The following GLP2R variants were observed in gnomAD, a reference collection of about 807,000 sequenced individuals.
The protein encoded by GLP2R is glucagon like peptide 2 receptor.
GLP2R carries 59 observed loss-of-function variants against 68.2 expected under a neutral mutation model. That is an observed-to-expected ratio of 0.87 (90% CI 0.70 to 1.07). The LOEUF is 1.07. Ranked by LOEUF, GLP2R falls within the 50% of genes least tolerant of loss-of-function variation. The pLI, the probability that GLP2R is intolerant of heterozygous loss-of-function variation, is 0.00. For missense variants in GLP2R, 548 were observed against 677.4 expected (o/e 0.81, Z 2.12); for synonymous variants, 270 against 265.4 (o/e 1.02, Z -0.17).
chr17:9,857,279 G>A (rs956348779), intron 5 of GLP2R, 144 bp from the exon 6 acceptor site: 1 of 695,886 alleles, frequency 1.4e-6, no homozygotes. Flanking sequence ...GAGATTTACG[G>A]TCACATAATC....
intron 10 of GLP2R, among the ~76,000 whole-genome samples, chr17:9,871,841 C>T (rs1361765536): frequency 6.6e-6 from 1 of 151,060 alleles, no homozygotes; most frequent in Non-Finnish European, 1.5e-5. Context: ...TCTCCTGCCT[C>T]AGCCTCCTGA....
chr17:9,850,641 C>A (rs1304351672), intron 4 of GLP2R, among the ~76,000 whole-genome samples: 1 of 151,876 alleles, frequency 6.6e-6, no homozygotes, highest in Non-Finnish European at 1.5e-5. Flanking sequence ...GCTTGATAAC[C>A]CATGCTTTAT....
intron 4 of GLP2R, among the ~76,000 whole-genome samples, chr17:9,847,339 G>A (rs1163906485): frequency 1.3e-5 from 2 of 151,510 alleles, no homozygotes; most frequent in African/African-American, 4.9e-5. Context: ...GCACGATCTC[G>A]GCTCACTGCA....
At chr17:9,862,135 T>C in intron 9 of GLP2R, 45 bp downstream of exon 9, 1 of 1,422,686 alleles carries the variant, frequency 7.0e-7, no homozygotes, top group African/African-American at 1.4e-5. Context: ...GCCTAGCAGC[T>C]GTGGGGAATC....
chr17:9,884,881 GA>G (rs975872647), intron 11 of GLP2R, among the ~76,000 whole-genome samples: 8 of 151,724 alleles, frequency 5.3e-5, no homozygotes, highest in Admixed American at 6.6e-5. Flanking sequence ...ATTAGAGGGG[GA>G]AAAAAAACTC....
intron 3 of GLP2R, among the ~76,000 whole-genome samples, chr17:9,839,422 CCT>C (rs1272132852): frequency 6.6e-6 from 1 of 151,972 alleles, no homozygotes; most frequent in Non-Finnish European, 1.5e-5. Context: ...TCCTTCTCCG[CCT>C]CTCTTCCCCA....
At chr17:9,863,475 G>A (rs8072991) in intron 9 of GLP2R, among the ~76,000 whole-genome samples, 1,813 of 152,266 alleles carry the variant, frequency 0.012, 39 homozygotes, top group African/African-American at 0.041. Flanking sequence ...GGGTGTGATG[G>A]GATGACAGCT....
intron 5 of GLP2R, among the ~76,000 whole-genome samples, chr17:9,855,620 A>G (rs764137472): frequency 3.9e-5 from 6 of 152,376 alleles, no homozygotes; most frequent in Non-Finnish European, 8.8e-5. Flanking sequence ...TCCTAAGCGC[A>G]TTACATGCAT....
At chr17:9,852,592 T>C (rs1375660158) in intron 4 of GLP2R, among the ~76,000 whole-genome samples, 1 of 152,124 alleles carries the variant, frequency 6.6e-6, no homozygotes, top group Non-Finnish European at 1.5e-5. Flanking sequence ...AATTACAAAG[T>C]ATGAATAGAA....
Position 9,826,134 on chromosome 17 carries a change from T to C in GLP2R, c.71T>C (p.Leu24Pro). 1 of 1,612,862 alleles carries C rather than the reference T, an allele frequency of 6.2e-7. No individual in the cohort carries two copies. Among genetic ancestry groups the C allele is most frequent in the Non-Finnish European group, 8.5e-7 (1 of 1,179,486 alleles). ...SAGLLPGVHE[L>P]PMGIPAPWGT... ...GGACTCCTGCCTGGCGTCCACGAGC[T>C]GCCCATGGGCATCCCTGCCCCCTGG... The change falls in exon 1 of 13, where the codon CTG (leucine) becomes CCG (proline). Residue 24 changes from leucine to proline, a missense_variant. Coordinates refer to ENST00000262441, the MANE Select transcript of GLP2R (RefSeq NM_004246.3).
Position 9,857,511 on chromosome 17 carries a change from G to T in GLP2R, c.700G>T (p.Val234Phe). ...RTLAVLVKDV[V>F]FYNSYSKRPD... ...CCTGGCTGTACTGGTGAAGGACGTC[G>T]TCTTCTACAACTCTTACTCCAAGAG... The change falls in exon 6 of 13, where the codon GTC (valine) becomes TTC (phenylalanine). Residue 234 changes from valine (V) to phenylalanine (F), a missense_variant. Transcript: ENST00000262441. The T allele has an allele frequency of 6.2e-7, 1 of 1,614,052 alleles. No individual in the cohort carries two copies. Among genetic ancestry groups the T allele is most frequent in the Non-Finnish European group, 8.5e-7 (1 of 1,179,956 alleles).
chr17:9,887,794 A>G, intron 11 of GLP2R, 138 bp from the exon 12 acceptor site: 1 of 742,012 alleles, frequency 1.3e-6, no homozygotes, highest in Non-Finnish European at 2.5e-6. Flanking sequence ...GACTAATTCT[A>G]GTTAGTGTAA....
intron 1 of GLP2R, among the ~76,000 whole-genome samples, chr17:9,833,418 C>T (rs1466892051): frequency 6.6e-6 from 1 of 152,208 alleles, no homozygotes; most frequent in East Asian, 1.9e-4. Context: ...CTTCTGCAAT[C>T]CTCTGGTCCT....
intron 11 of GLP2R, among the ~76,000 whole-genome samples, chr17:9,885,197 T>C (rs1161078060): frequency 6.7e-6 from 1 of 149,878 alleles, no homozygotes; most frequent in Non-Finnish European, 1.5e-5. Context: ...ACCATTATCA[T>C]TATCATTTTG....
At position 9,839,240 on chromosome 17, in the gene GLP2R, A is replaced by G. The variant is rs149297738; in HGVS notation, c.382+2765A>G. On this transcript the variant is annotated intron_variant, in intron 3 of 12. Transcript: ENST00000262441. The stretch of plus-strand genomic sequence containing the variant: ...CTACTGCAGTGTCCCAGAAAACAGC[A>G]TGCTAAGGGTCTGGATTCTGGCAAG... 1.4e-4 allele frequency among the ~76,000 whole-genome samples: 22 copies of G among 152,330 alleles called. No homozygotes were observed. In the East Asian group the frequency reaches 4.2e-3, roughly 29 times the overall value.
chr17:9,854,202 CA>C (rs2066915684), intron 4 of GLP2R, among the ~76,000 whole-genome samples: 2 of 152,224 alleles, frequency 1.3e-5, no homozygotes. Flanking sequence ...GTTCTGAACG[CA>C]ATTCCTTTAT....
At position 9,854,465 on chromosome 17, in the gene GLP2R, T is replaced by A. The variant is rs144387846; in HGVS notation, c.505-30T>A. ...TTGTGGCCATAGCCCCATGGCTTAG[T>A]GGTCATGTCTGCTCTTCCTCTGTGT... On this transcript the variant is annotated intron_variant, in intron 4 of 12. Coordinates refer to ENST00000262441, the MANE Select transcript of GLP2R (RefSeq NM_004246.3). The A allele has an allele frequency of 9.8e-5, 132 of 1,345,032 alleles. 1 individual carries two copies. In the East Asian group the frequency reaches 2.4e-3, roughly 24 times the overall value. 83.3% of individuals were successfully genotyped at this position (1,345,032 alleles called of 1,614,324 possible). A position where few individuals can be genotyped will look rare whatever the true frequency, so the allele number is the denominator to read the frequency against.
At chr17:9,861,608 A>G (rs2152040252) in intron 8 of GLP2R, among the ~76,000 whole-genome samples, 1 of 152,366 alleles carries the variant, frequency 6.6e-6, no homozygotes. Flanking sequence ...CTTAAAGAAA[A>G]GCAAGTTCGT....
intron 4 of GLP2R, among the ~76,000 whole-genome samples, chr17:9,849,737 C>G (rs538126923): frequency 6.6e-6 from 1 of 151,270 alleles, no homozygotes; most frequent in South Asian, 2.1e-4. Flanking sequence ...CTCAGCCTCC[C>G]GAGTAGCTGG....
Sources: allele counts gnomAD v4.1 joint callset (sites outside exome capture counted in the v4.1 genomes callset), GRCh38; gene constraint gnomAD v4.1.1; transcripts MANE v1.5; gene names NCBI Gene and HGNC (gene_info 2026-07-23, HGNC 2026-07-21).